Variants in METTL9 observed in about 807,000 individuals in gnomAD.
METTL9 encodes protein-L-histidine N-pros-methyltransferase.
METTL9 carries 10 observed loss-of-function variants against 36.0 expected under a neutral mutation model. The observed-to-expected ratio is 0.28, with a 90% CI of 0.17 to 0.47. The LOEUF (loss-of-function observed/expected upper bound fraction) is 0.47, where lower values mean the gene tolerates loss of function less well. METTL9 is among the 20% of genes least tolerant of loss of function. The pLI is 0.99. For missense variants in METTL9, 246 were observed against 383.5 expected, an observed-to-expected ratio of 0.64 and a Z score of 3.00; for synonymous variants, 175 against 149.7, an observed-to-expected ratio of 1.17 and a Z score of -1.23.
intron 4 of METTL9, among the ~76,000 whole-genome samples, chr16:21,644,787 G>T (rs1281746816): frequency 6.6e-6 from 1 of 152,130 alleles, no homozygotes; most frequent in Non-Finnish European, 1.5e-5. Context: ...CTGCCTATGT[G>T]GTTAAGATAT....
intron 4 of METTL9, among the ~76,000 whole-genome samples, chr16:21,629,826 C>G (rs1279471051): frequency 2.6e-5 from 4 of 152,158 alleles, no homozygotes; most frequent in African/African-American, 9.7e-5. Context: ...TTACAGAGAG[C>G]TGATTGGTCC....
At chr16:21,627,836 C>T (rs547610733) in intron 4 of METTL9, among the ~76,000 whole-genome samples, 3 of 151,960 alleles carry the variant, frequency 2.0e-5, no homozygotes, top group Non-Finnish European at 2.9e-5. Context: ...GCCTGTAGTT[C>T]CAGCTACTGG....
rs183710615 is a variant in METTL9, at chr16:21,637,655, G to C, written c.751+12540G>C. Among the ~76,000 whole-genome samples the C allele has an allele frequency of 1.6e-4, 25 of 152,358 alleles. No individual in the cohort carries two copies. The East Asian group carries it at 4.8e-3, about 29-fold the overall frequency. ...CCAGCAGGCACCAGCCAGTGGCACCGAGTGCTGGGCCTGCTGAGCCCGTAC... is the reference window on the plus strand; with the variant it reads ...CCAGCAGGCACCAGCCAGTGGCACCCAGTGCTGGGCCTGCTGAGCCCGTAC... On this transcript the variant is annotated intron_variant, in intron 4 of 4. Coordinates refer to ENST00000358154, the MANE Select transcript of METTL9 (RefSeq NM_016025.5).
At position 21,618,033 on chromosome 16, in the gene METTL9, T is replaced by C; in HGVS notation, c.525T>C (p.Leu175=). 1 of 1,595,640 alleles carries C rather than the reference T, an allele frequency of 6.3e-7. No homozygotes were observed. Among genetic ancestry groups the C allele is most frequent in the Admixed American group, 1.8e-5 (1 of 54,854 alleles). Residue 175 remains leucine, a synonymous_variant, in exon 3 of 5, where the codon CTT becomes CTC. Coordinates refer to ENST00000358154, the MANE Select transcript of METTL9 (RefSeq NM_016025.5). ...PHFEEIYATE[L]SETMIWQLQK... ...TTGAAGAAATCTATGCCACTGAGCT[T>C]TCTGAAACTATGATATGGCAGCTTC...
chr16:21,629,283 G>C (rs1965887162), intron 4 of METTL9, among the ~76,000 whole-genome samples: 1 of 152,154 alleles, frequency 6.6e-6, no homozygotes. Flanking sequence ...TTTAGGAGGT[G>C]ATTAGGATTA....
chr16:21,632,180 G>A (rs1048769511), intron 4 of METTL9, among the ~76,000 whole-genome samples: 2 of 152,188 alleles, frequency 1.3e-5, no homozygotes, highest in African/African-American at 4.8e-5. Context: ...GTATTTAATG[G>A]GGGTTCCCCC....
rs2305520 is a variant in METTL9, at chr16:21,625,179, G to C, written c.751+64G>C. ...GCTGTTTATTGGTATTTGTGATTTT[G>C]TGCTGTGTACAATTAAATATTGTCT... is the stretch of plus-strand genomic sequence containing the variant. On this transcript the variant is annotated intron_variant, in intron 4 of 4. Transcript: ENST00000358154. 0.02 allele frequency: 31,779 copies of C among 1,559,854 alleles called. 3,697 individuals carry two copies. In the East Asian group the frequency reaches 0.31, roughly 15 times the overall value.
At chr16:21,605,446 T>TGTTGTTCA (rs1307889451) in intron 1 of METTL9, among the ~76,000 whole-genome samples, 3 of 151,634 alleles carry the variant, frequency 2.0e-5, no homozygotes, top group Non-Finnish European at 4.4e-5. Flanking sequence ...GGTCTTGCCA[T>TGTTGTTCA]GTTGTTCAGG....
At chr16:21,598,352 CAAAAAAA>C (rs1161878357), upstream of METTL9, among the ~76,000 whole-genome samples, 2 of 59,170 alleles carry the variant, frequency 3.4e-5, no homozygotes, top group East Asian at 5.1e-4. Context: ...CACTCCGTTT[CAAAAAAA>C]AAAAAAAAAA....
At chr16:21,612,415 C>A in intron 1 of METTL9, 1 of 387,400 alleles carries the variant, frequency 2.6e-6, no homozygotes, top group Non-Finnish European at 4.4e-6. Flanking sequence ...CCCACTCTAC[C>A]TACCTTGAGG....
At chr16:21,615,293 A>G (rs988755956) in intron 2 of METTL9, among the ~76,000 whole-genome samples, 14 of 152,134 alleles carry the variant, frequency 9.2e-5, no homozygotes, top group Non-Finnish European at 1.5e-4. Context: ...CAGTGTCACA[A>G]TCATGGCTCA....
upstream of METTL9, chr16:21,599,359 G>A (rs1383740510): frequency 1.7e-5 from 17 of 1,017,194 alleles, no homozygotes; most frequent in African/African-American, 2.1e-4. This position sits in a 1 kb window ranked among gnomAD's most constrained non-coding sequence, Gnocchi z 4.4. Context: ...TTTACTAGAG[G>A]CCAAGGCAGG....
At chr16:21,622,601 C>T (rs1161435781) in intron 3 of METTL9, among the ~76,000 whole-genome samples, 2 of 152,102 alleles carry the variant, frequency 1.3e-5, no homozygotes, top group Middle Eastern at 3.2e-3. Context: ...TGGGCTAATA[C>T]GCAGTTTTAG....
intron 4 of METTL9, among the ~76,000 whole-genome samples, chr16:21,627,783 G>A (rs1782416574): frequency 6.6e-6 from 1 of 151,936 alleles, no homozygotes; most frequent in South Asian, 2.1e-4. Context: ...CACCATCTCT[G>A]CTAAAAATAT....
At chr16:21,598,393 T>C (rs530479698), upstream of METTL9, among the ~76,000 whole-genome samples, 1 of 152,138 alleles carries the variant, frequency 6.6e-6, no homozygotes, top group Admixed American at 6.5e-5. Context: ...AAGGAATGAT[T>C]TTGTTCCCCA....
intron 4 of METTL9, chr16:21,644,305 G>A (rs1176463894): frequency 6.2e-7 from 1 of 1,611,868 alleles, no homozygotes; most frequent in African/African-American, 1.3e-5. Context: ...AGAGGAGTAT[G>A]AAGGCCACGC....
At chr16:21,628,582 C>A (rs757745505) in intron 4 of METTL9, among the ~76,000 whole-genome samples, 17 of 152,156 alleles carry the variant, frequency 1.1e-4, no homozygotes, top group Non-Finnish European at 2.2e-4. Context: ...CAGCCTTGAC[C>A]TCCTGGGCTC....
chr16:21,612,149 T>G (rs1965439098), intron 1 of METTL9: 1 of 152,496 alleles, frequency 6.6e-6, no homozygotes, highest in Non-Finnish European at 1.5e-5. Context: ...TGTTGCTTAC[T>G]TTGCTATTTG....
At chr16:21,618,145 G>T in intron 3 of METTL9, 71 bp downstream of exon 3, 4 of 1,117,538 alleles carry the variant, frequency 3.6e-6, no homozygotes, top group South Asian at 3.5e-5. Flanking sequence ...AATAAAAAAT[G>T]ATCTTCCATG....
Sources: gnomAD v4.1 joint callset for allele counts (sites outside exome capture counted in the v4.1 genomes callset) on GRCh38, gnomAD v4.1.1 for gene constraint, Gnocchi (gnomAD v3.1) non-coding constraint, MANE v1.5 for transcripts, NCBI Gene and HGNC (gene_info 2026-07-23, HGNC 2026-07-21) for gene names.